The following TAB1 variants were observed in gnomAD, a reference collection of about 807,000 sequenced individuals.
TAB1 encodes TGF-beta activated kinase 1 (MAP3K7) binding protein 1, also known as TGF-beta-activated kinase 1 and MAP3K7-binding protein 1.
Under a neutral mutation model 54.5 loss-of-function variants are expected in TAB1, and 30 were observed. That is an observed-to-expected ratio of 0.55 (90% CI 0.41 to 0.75). TAB1 has a LOEUF of 0.75. Ranked by LOEUF, TAB1 falls within the 30% of genes least tolerant of loss-of-function variation. The probability of loss-of-function intolerance (pLI) is 0.00; values close to 1 mark genes in which losing one functional copy is unlikely to be tolerated. For missense variants in TAB1, 609 were observed against 683.2 expected (o/e 0.89, Z 1.21); for synonymous variants, 289 against 286.9 (o/e 1.01, Z -0.07).
chr22:39,433,962 G>A (rs1442289931), downstream of TAB1: 2 of 362,194 alleles, frequency 5.5e-6, no homozygotes, highest in Non-Finnish European at 7.6e-6. Context: ...CCTCTCGCCT[G>A]CTCCACGGGA....
chr22:39,436,340 A>T, downstream of TAB1: 5 of 641,674 alleles, frequency 7.8e-6, no homozygotes, highest in South Asian at 9.4e-5. Context: ...CCAGGTATGT[A>T]GCTGACGTGT....
chr22:39,412,149 C>T (rs1426103162), intron 1 of TAB1, among the ~76,000 whole-genome samples: 3 of 152,166 alleles, frequency 2.0e-5, no homozygotes, highest in African/African-American at 4.8e-5. Flanking sequence ...AGGTGATTCT[C>T]GTGCCTCAGC....
chr22:39,433,214 G>A (rs1185869397), downstream of TAB1: 1 of 979,194 alleles, frequency 1.0e-6, no homozygotes, highest in Non-Finnish European at 1.2e-6. Flanking sequence ...CACTTTCAGA[G>A]GCCAAGGCAG....
Position 39,421,530 on chromosome 22 carries a change from G to A in TAB1, c.777-297G>A, listed in dbSNP as rs565868693. ...CTCTTGCTGTCCCACACCCTGCCCT[G>A]CCACCACCGGACCCTGTGAACAGGA... is the stretch of plus-strand genomic sequence containing the variant. On this transcript the variant is annotated intron_variant, in intron 7 of 10. Coordinates refer to ENST00000216160, the MANE Select transcript of TAB1 (RefSeq NM_006116.3). Among the ~76,000 whole-genome samples the A allele has an allele frequency of 7.2e-5, 11 of 152,242 alleles. No homozygotes were observed. In the South Asian group the frequency reaches 2.3e-3, roughly 32 times the overall value.
intron 1 of TAB1, among the ~76,000 whole-genome samples, chr22:39,412,908 T>TG (rs1926666643): frequency 6.7e-6 from 1 of 150,058 alleles, no homozygotes; most frequent in South Asian, 2.1e-4. Flanking sequence ...TTTTTTTTTT[T>TG]TTTTTTGAGA....
chr22:39,420,145 C>T (rs989668918), intron 7 of TAB1, among the ~76,000 whole-genome samples: 1 of 152,176 alleles, frequency 6.6e-6, no homozygotes, highest in African/African-American at 2.4e-5. Context: ...ATCACCCCAG[C>T]GCTCATGGCA....
At chr22:39,420,335 A>C (rs1035114842) in intron 7 of TAB1, among the ~76,000 whole-genome samples, 1 of 152,228 alleles carries the variant, frequency 6.6e-6, no homozygotes, top group Non-Finnish European at 1.5e-5. Flanking sequence ...ATGGGGCTTG[A>C]ACACAGGCAG....
At chr22:39,413,351 C>G (rs1481638779) in intron 1 of TAB1, among the ~76,000 whole-genome samples, 3 of 152,022 alleles carry the variant, frequency 2.0e-5, no homozygotes, top group African/African-American at 7.2e-5. Context: ...TGGATGCCCT[C>G]TATTTCTTTC....
At chr22:39,419,427 T>C (rs1159350757) in intron 6 of TAB1, 92 bp from the exon 7 acceptor site, 2 of 1,081,704 alleles carry the variant, frequency 1.8e-6, no homozygotes, top group African/African-American at 1.6e-5. Flanking sequence ...TGGGTCCTTA[T>C]TGCCTTCTTC....
rs1460683108 is a variant in TAB1 at position 39,431,397 on chromosome 22, G to C, written c.*1175G>C. Reference sequence around the variant, plus strand: ...AGCCACACAATCAGTGGGGCAGCCAGAGCTCAGACCTGAGCCATTTTGTCA... The same window carrying C: ...AGCCACACAATCAGTGGGGCAGCCACAGCTCAGACCTGAGCCATTTTGTCA... On this transcript the variant is annotated 3_prime_UTR_variant, in exon 11 of 11. Coordinates refer to ENST00000216160, the MANE Select transcript of TAB1 (RefSeq NM_006116.3). 3.0e-6 allele frequency: 3 copies of C among 985,406 alleles called. No individual in the cohort carries two copies. In the African/African-American group the frequency reaches 5.2e-5, roughly 17 times the overall value. The allele number at this position is 985,406 out of a possible 1,614,324, so 61.0% of individuals were successfully genotyped here.
Position 39,419,593 on chromosome 22 carries a change from A to G in TAB1, c.739A>G (p.Lys247Glu). Reference protein sequence around the residue: ...QESTRRIGDYKVKYGYTDIDL... With the variant: ...QESTRRIGDYEVKYGYTDIDL... ...GAGCACCCGGCGGATCGGGGATTAC[A>G]AGGTTAAATATGGCTACACGGACAT... is the stretch of plus-strand genomic sequence containing the variant. Residue 247 changes from lysine (K) to glutamate (E), a missense_variant, in exon 7 of 11, where the codon AAG becomes GAG. Physicochemically the swap from Lys to Glu is moderately conservative, Grantham distance 56. Coordinates refer to ENST00000216160, the MANE Select transcript of TAB1 (RefSeq NM_006116.3). 6.2e-7 allele frequency: 1 copy of G among 1,612,808 alleles called. No individual in the cohort carries two copies.
chr22:39,412,339 G>A (rs1465129536), intron 1 of TAB1, among the ~76,000 whole-genome samples: 5 of 152,064 alleles, frequency 3.3e-5, no homozygotes, highest in Non-Finnish European at 2.9e-5. Context: ...TGCACCTGGC[G>A]TTTAATATGA....
At chr22:39,421,792 C>A in intron 7 of TAB1, 35 bp from the exon 8 acceptor site, 1 of 1,612,912 alleles carries the variant, frequency 6.2e-7, no homozygotes, top group South Asian at 1.1e-5. Context: ...CGGGCTGTTC[C>A]AAGCAAAGCT....
At chr22:39,413,559 GGCATGCACCA>G (rs1337945411) in intron 1 of TAB1, among the ~76,000 whole-genome samples, 1 of 152,100 alleles carries the variant, frequency 6.6e-6, no homozygotes, top group East Asian at 1.9e-4. Context: ...TGGGATTACA[GGCATGCACCA>G]CCATGCCTGG....
intron 1 of TAB1, among the ~76,000 whole-genome samples, chr22:39,409,905 A>G (rs373540813): frequency 6.6e-6 from 1 of 152,218 alleles, no homozygotes; most frequent in Non-Finnish European, 1.5e-5. Flanking sequence ...CAGTACCCAG[A>G]ATACTGCCAG....
In TAB1 at chr22:39,430,177, C is replaced by T. The variant is rs762314195; in HGVS notation, c.1470C>T (p.Leu490=). The change falls in exon 11 of 11, where the codon CTC becomes CTT. Residue 490 remains leucine (L), a synonymous_variant. Transcript: ENST00000216160. Reference sequence around the variant, plus strand: ...TGGACTTTGCTGAGTTTTACCGCCTCTGGAGCGTGGACCATGGCGAGCAGA... The same window carrying T: ...TGGACTTTGCTGAGTTTTACCGCCTTTGGAGCGTGGACCATGGCGAGCAGA... ...PYVDFAEFYR[L]WSVDHGEQSV... 2.3e-5 allele frequency: 37 copies of T among 1,613,790 alleles called. No individual in the cohort carries two copies. In the South Asian group the frequency reaches 4.0e-4, roughly 17 times the overall value.
chr22:39,424,979 C>G (rs919020403), intron 8 of TAB1, among the ~76,000 whole-genome samples: 25 of 152,108 alleles, frequency 1.6e-4, no homozygotes, highest in African/African-American at 5.6e-4. Flanking sequence ...CCAAAAGAAA[C>G]TTTATGATGG....
chr22:39,405,922 C>G (rs1005756360), intron 1 of TAB1, among the ~76,000 whole-genome samples: 5 of 152,130 alleles, frequency 3.3e-5, no homozygotes, highest in Admixed American at 3.3e-4. Flanking sequence ...GTCTGGCGAG[C>G]GCCCGAATTA....
Position 39,415,658 on chromosome 22 carries a change from TG to T in TAB1, c.324+7del. 6.2e-7 allele frequency: 1 copy of T among 1,605,704 alleles called. No individual in the cohort carries two copies. Among genetic ancestry groups the T allele is most frequent in the Non-Finnish European group, 8.5e-7 (1 of 1,178,892 alleles). ...GTGCGGCGTGTGCTGCTGCAGGTAA[TG>T]GTGCCGGGGCCAACAGTGACCCAGC... On this transcript the variant is annotated splice_donor_region_variant and intron_variant, in intron 3 of 10. Coordinates refer to ENST00000216160, the MANE Select transcript of TAB1 (RefSeq NM_006116.3). The surrounding 1 kb of genome is among the most constrained non-coding windows in gnomAD (Gnocchi z 4.9).
Sources: allele counts gnomAD v4.1 joint callset (sites outside exome capture counted in the v4.1 genomes callset), GRCh38; gene constraint gnomAD v4.1.1; non-coding constraint Gnocchi (gnomAD v3.1); transcripts MANE v1.5; gene names NCBI Gene and HGNC (gene_info 2026-07-23, HGNC 2026-07-21).